Variants in TSKS observed in about 807,000 individuals in gnomAD.
TSKS encodes the protein testis-specific serine kinase substrate.
In TSKS, 27 loss-of-function variants were observed where a neutral mutation model predicts 68.0. That is an observed-to-expected ratio of 0.40 (90% CI 0.29 to 0.55). TSKS has a LOEUF of 0.55. Ranked by LOEUF, TSKS falls within the 20% of genes least tolerant of loss-of-function variation. The probability of loss-of-function intolerance (pLI) is 0.53; values close to 1 mark genes in which losing one functional copy is unlikely to be tolerated. For missense variants in TSKS, 806 were observed against 776.0 expected (o/e 1.04, Z -0.46); for synonymous variants, 331 against 340.4 (o/e 0.97, Z 0.30).
chr19:49,740,035 C>CA, intron 10 of TSKS, 24 bp downstream of exon 10: 1 of 1,613,992 alleles, frequency 6.2e-7, no homozygotes, highest in South Asian at 1.1e-5. Context: ...ACCCTCCTCC[C>CA]ATGCCCTCAG....
At chr19:49,745,452 T>C in intron 6 of TSKS, 56 bp from the exon 7 acceptor site, 1 of 1,378,776 alleles carries the variant, frequency 7.3e-7, no homozygotes, top group Non-Finnish European at 9.6e-7. Context: ...GGTCCCCACC[T>C]ACCCCCACGA....
intron 8 of TSKS, among the ~76,000 whole-genome samples, chr19:49,743,333 C>G (rs985820885): frequency 6.6e-6 from 1 of 151,870 alleles, no homozygotes; most frequent in Non-Finnish European, 1.5e-5. Flanking sequence ...CCGTCTTGGC[C>G]TCCCAAAGTG....
At position 49,746,502 on chromosome 19, in the gene TSKS, C is replaced by T. The variant is rs751830246; in HGVS notation, c.960G>A (p.Leu320=). 9.3e-6 allele frequency: 15 copies of T among 1,613,876 alleles called. No individual in the cohort carries two copies. Among genetic ancestry groups the T allele is most frequent in the African/African-American group, 1.3e-5 (1 of 74,952 alleles). ...CTTCGATGCCGGTGAACAGCTTCTGCAATTCCTGCTCGCTCACGTAGGGGC... is the reference window on the plus strand; with the variant it reads ...CTTCGATGCCGGTGAACAGCTTCTGTAATTCCTGCTCGCTCACGTAGGGGC... ...GEGPYVSEQE[L]QKLFTGIEEL... The change falls in exon 6 of 11, where the codon TTG becomes TTA. Residue 320 remains leucine, a synonymous_variant. Coordinates refer to ENST00000246801, the MANE Select transcript of TSKS (RefSeq NM_021733.2).
At chr19:49,747,088 G>C in intron 5 of TSKS, 1 of 1,476,414 alleles carries the variant, frequency 6.8e-7, no homozygotes, top group Non-Finnish European at 9.1e-7. Context: ...AACAACTGAA[G>C]CTTTCTCAGC....
At chr19:49,759,274 T>C (rs916625466) in intron 2 of TSKS, among the ~76,000 whole-genome samples, 20 of 151,138 alleles carry the variant, frequency 1.3e-4, no homozygotes, top group Non-Finnish European at 2.4e-4. Flanking sequence ...ATCAAGACCA[T>C]CCTGGCCAAC....
At position 49,749,814 on chromosome 19, in the gene TSKS, G is replaced by A. The variant is rs79701512; in HGVS notation, c.400-1345C>T. 8.3e-3 allele frequency among the ~76,000 whole-genome samples: 1,256 copies of A among 152,144 alleles called. 16 individuals are homozygous for A. Among genetic ancestry groups the A allele is most frequent in the African/African-American group, 0.028 (1,175 of 41,512 alleles). On this transcript the variant is annotated intron_variant, in intron 2 of 10. Transcript: ENST00000246801. Reference sequence around the variant, plus strand: ...TTTGGTATAGATGGGTTCTCACTACGTTACCCAAGCTGGCCTCAAACTCCT... The same window carrying A: ...TTTGGTATAGATGGGTTCTCACTACATTACCCAAGCTGGCCTCAAACTCCT...
At chr19:49,749,559 G>A (rs1198801258) in intron 2 of TSKS, among the ~76,000 whole-genome samples, 2 of 151,932 alleles carry the variant, frequency 1.3e-5, no homozygotes, top group African/African-American at 2.4e-5. Flanking sequence ...AGCTAGGTGT[G>A]GCCATGTGAC....
chr19:49,749,237 GT>G (rs1429973597), intron 2 of TSKS, among the ~76,000 whole-genome samples: 1 of 152,132 alleles, frequency 6.6e-6, no homozygotes, highest in Non-Finnish European at 1.5e-5. Flanking sequence ...GCCTCTTGAG[GT>G]TATTTGGCCT....
At chr19:49,761,900 A>G in intron 2 of TSKS, 104 bp downstream of exon 2, 1 of 914,606 alleles carries the variant, frequency 1.1e-6, no homozygotes, top group South Asian at 1.6e-5. Context: ...TGACCAGAAC[A>G]TTCTAACTCC....
chr19:49,747,569 AG>A, intron 4 of TSKS, 97 bp from the exon 5 acceptor site: 1 of 1,221,616 alleles, frequency 8.2e-7, no homozygotes, highest in South Asian at 1.2e-5. Context: ...CAGGCCTCCT[AG>A]CCCCCCAGTA....
intron 6 of TSKS, among the ~76,000 whole-genome samples, chr19:49,746,195 C>A (rs777081709): frequency 6.6e-6 from 1 of 151,406 alleles, no homozygotes. Context: ...AAAAACAAAA[C>A]AAAACAAAAA....
chr19:49,746,754 C>T lies in TSKS; in HGVS notation c.708G>A (p.Pro236=). The change falls in exon 6 of 11, where the codon CCG becomes CCA. Residue 236 remains proline (P), a synonymous_variant. Coordinates refer to ENST00000246801, the MANE Select transcript of TSKS (RefSeq NM_021733.2). ...CCTGCAGCTCGGCCTCCTGCCGTCG[C>T]GGCGTCTCATCCTGCAGCTGCTGCT... The part of the protein sequence containing the change: ...YLQQQLQDET[P]RRQEAELQEP... 3 of 1,601,502 alleles carry T rather than the reference C, an allele frequency of 1.9e-6. No homozygotes were observed. Among genetic ancestry groups the T allele is most frequent in the Non-Finnish European group, 2.5e-6 (3 of 1,179,698 alleles).
intron 4 of TSKS, 64 bp from the exon 5 acceptor site, chr19:49,747,536 CCTGT>C (rs1275629653): frequency 1.3e-6 from 2 of 1,556,458 alleles, no homozygotes; most frequent in East Asian, 2.2e-5. Flanking sequence ...CAACCCTTAG[CCTGT>C]CTGTTTCCAT....
chr19:49,741,126 C>T (rs1203867728), intron 9 of TSKS, among the ~76,000 whole-genome samples: 3 of 151,884 alleles, frequency 2.0e-5, no homozygotes, highest in South Asian at 4.2e-4. Flanking sequence ...TGCAGTGAGC[C>T]GAGATTGCGC....
rs138180154 is a variant in TSKS at position 49,744,415 on chromosome 19, A to G, written c.1188-11T>C. The G allele has an allele frequency of 3.7e-3, 5,900 of 1,610,184 alleles. 17 individuals are homozygous for G. The highest frequency in any genetic ancestry group is 4.5e-3 in the Non-Finnish European group (5,354 of 1,176,792). On this transcript the variant is annotated splice_polypyrimidine_tract_variant and intron_variant, in intron 7 of 10. Transcript: ENST00000246801. The stretch of plus-strand genomic sequence containing the variant: ...GCTGACCGCTCCACCCTGAGGCATG[A>G]GTAACCAGTGCTGCTGGGTCGTCTC...
chr19:49,751,604 G>C (rs1179410957), intron 2 of TSKS, among the ~76,000 whole-genome samples: 1 of 152,066 alleles, frequency 6.6e-6, no homozygotes, highest in South Asian at 2.1e-4. Flanking sequence ...CTCATTCAAA[G>C]CCTCATAACC....
intron 4 of TSKS, 46 bp from the exon 5 acceptor site, chr19:49,747,518 C>G (rs1310919549): frequency 6.3e-7 from 1 of 1,596,338 alleles, no homozygotes; most frequent in Non-Finnish European, 8.6e-7. Flanking sequence ...CATTCCAGTT[C>G]TGCCTCCCAA....
At chr19:49,749,720 C>G (rs2084333386) in intron 2 of TSKS, among the ~76,000 whole-genome samples, 1 of 152,102 alleles carries the variant, frequency 6.6e-6, no homozygotes, top group African/African-American at 2.4e-5. Flanking sequence ...AAATGATCCT[C>G]TTGCCTCAGC....
rs934053631 is a variant in TSKS, at chr19:49,751,474, C to T, written c.400-3005G>A. Among the ~76,000 whole-genome samples, 8 of 151,300 alleles carry T rather than the reference C, an allele frequency of 5.3e-5. No individual in the cohort carries two copies. The East Asian group carries it at 7.7e-4, about 15-fold the overall frequency. Reference sequence around the variant, plus strand: ...AAGAAAAGTGACTCTCGATAAAAAACGGCAAGACTTGAGGAATTTTAACTT... The same window carrying T: ...AAGAAAAGTGACTCTCGATAAAAAATGGCAAGACTTGAGGAATTTTAACTT... On this transcript the variant is annotated intron_variant, in intron 2 of 10. Coordinates refer to ENST00000246801, the MANE Select transcript of TSKS (RefSeq NM_021733.2).
Sources: gnomAD v4.1 joint callset for allele counts (sites outside exome capture counted in the v4.1 genomes callset) on GRCh38, gnomAD v4.1.1 for gene constraint, MANE v1.5 for transcripts, NCBI Gene and HGNC (gene_info 2026-07-23, HGNC 2026-07-21) for gene names.